Variants in ABCC9 observed in about 807,000 individuals in gnomAD.
The protein encoded by ABCC9 is ATP binding cassette subfamily C member 9.
Under a neutral mutation model 188.3 loss-of-function variants are expected in ABCC9, and 95 were observed. The observed-to-expected ratio is 0.50, with a 90% CI of 0.43 to 0.60. ABCC9 has a LOEUF of 0.60. Ranked by LOEUF, ABCC9 falls within the 20% of genes least tolerant of loss-of-function variation. The pLI, the probability that ABCC9 is intolerant of heterozygous loss-of-function variation, is 0.00. For missense variants in ABCC9, 1,102 were observed against 1,876.3 expected (o/e 0.59, Z 7.62); for synonymous variants, 659 against 652.7 (o/e 1.01, Z -0.15).
At chr12:21,885,487 A>G (rs539305653) in intron 15 of ABCC9, among the ~76,000 whole-genome samples, 4 of 152,208 alleles carry the variant, frequency 2.6e-5, no homozygotes, top group Non-Finnish European at 4.4e-5. Context: ...TTGACCTCCT[A>G]TATGCCGTTT....
intron 14 of ABCC9, among the ~76,000 whole-genome samples, chr12:21,890,028 A>G (rs999602974): frequency 3.3e-5 from 5 of 152,180 alleles, no homozygotes; most frequent in African/African-American, 1.2e-4. Context: ...TCATCTTTAG[A>G]ATCTATCCCA....
chr12:21,841,641 GC>G (rs1199453100), intron 29 of ABCC9, among the ~76,000 whole-genome samples: 1 of 152,038 alleles, frequency 6.6e-6, no homozygotes, highest in East Asian at 1.9e-4. Flanking sequence ...ACAGGCATGG[GC>G]CACCACGCCC....
At chr12:21,811,458 T>G (rs1205098461) in intron 36 of ABCC9, among the ~76,000 whole-genome samples, 3 of 152,182 alleles carry the variant, frequency 2.0e-5, no homozygotes, top group African/African-American at 4.8e-5. Context: ...AGTTACAGCT[T>G]CTTTGAGTTT....
chr12:21,812,403 T>G (rs576010510), intron 35 of ABCC9, among the ~76,000 whole-genome samples: 1 of 152,188 alleles, frequency 6.6e-6, no homozygotes, highest in Non-Finnish European at 1.5e-5. Flanking sequence ...TGCACACTTA[T>G]GTTTATGGCA....
At chr12:21,871,346 G>T (rs1423947569) in intron 18 of ABCC9, among the ~76,000 whole-genome samples, 1 of 152,114 alleles carries the variant, frequency 6.6e-6, no homozygotes, top group Non-Finnish European at 1.5e-5. Flanking sequence ...TCTCTGCTGG[G>T]TATGCGCTAA....
Position 21,800,006 on chromosome 12 carries a change from T to G in ABCC9, c.*1038A>C, listed in dbSNP as rs777470921. 6.6e-6 allele frequency: 1 copy of G among 152,202 alleles called. No homozygotes were observed. The highest frequency in any genetic ancestry group is 1.5e-5 in the Non-Finnish European group (1 of 68,020). The allele number at this position is 152,202 out of a possible 1,614,324, so 9.4% of individuals were successfully genotyped here. A position where few individuals can be genotyped will look rare whatever the true frequency, so the allele number is the denominator to read the frequency against. On this transcript the variant is annotated 3_prime_UTR_variant, in exon 40 of 40. Transcript: ENST00000261200. ...ATTAGAGCAGGAGCAAATGATCATGTGTGACACCATTGGGCATAAATGTCT... is the reference window on the plus strand; with the variant it reads ...ATTAGAGCAGGAGCAAATGATCATGGGTGACACCATTGGGCATAAATGTCT...
intron 18 of ABCC9, among the ~76,000 whole-genome samples, chr12:21,868,638 C>CAATA (rs1377883472): frequency 1.3e-5 from 2 of 151,910 alleles, no homozygotes; most frequent in Non-Finnish European, 2.9e-5. Flanking sequence ...GACTCTGTCT[C>CAATA]AATAAATAAA....
chr12:21,879,063 A>G (rs777576297), intron 16 of ABCC9, among the ~76,000 whole-genome samples: 5 of 152,238 alleles, frequency 3.3e-5, no homozygotes, highest in Non-Finnish European at 7.3e-5. Context: ...AGCTCAGTGT[A>G]CATCACTAGG....
At chr12:21,844,390 T>C (rs2137384317) in intron 28 of ABCC9, 93 bp downstream of exon 28, 2 of 1,057,184 alleles carry the variant, frequency 1.9e-6, no homozygotes, top group South Asian at 2.6e-5. Context: ...AGAAATCCTC[T>C]ATTGTTAATA....
intron 38 of ABCC9, 97 bp from the exon 39 acceptor site, chr12:21,806,157 G>A: frequency 2.8e-6 from 3 of 1,077,930 alleles, no homozygotes; most frequent in Non-Finnish European, 2.8e-6. Context: ...TCCCTTGTGA[G>A]CATTCTCAAT....
intron 38 of ABCC9, 94 bp downstream of exon 38, chr12:21,807,252 G>A: frequency 6.5e-7 from 1 of 1,541,294 alleles, no homozygotes. Flanking sequence ...CAATAGTACT[G>A]AGGATTCAGA....
chr12:21,820,261 T>C (rs1036457997), intron 31 of ABCC9, among the ~76,000 whole-genome samples: 3 of 152,108 alleles, frequency 2.0e-5, no homozygotes, highest in Non-Finnish European at 2.9e-5. Context: ...AAAAAAAATA[T>C]GTCATCTGGC....
chr12:21,823,137 A>G (rs117351811), intron 31 of ABCC9, among the ~76,000 whole-genome samples: 51 of 152,340 alleles, frequency 3.3e-4, no homozygotes, highest in Non-Finnish European at 6.0e-4. Flanking sequence ...GTTACAACAC[A>G]GATGAATTAT....
intron 12 of ABCC9, 122 bp downstream of exon 12, chr12:21,906,004 G>T: frequency 8.6e-7 from 1 of 1,158,410 alleles, no homozygotes; most frequent in Non-Finnish European, 1.3e-6. Flanking sequence ...CACGTGTTTA[G>T]AAAATAAATA....
At chr12:21,923,281 G>A (rs975733266) in intron 5 of ABCC9, 11 of 151,202 alleles carry the variant, frequency 7.3e-5, no homozygotes, top group African/African-American at 2.7e-4. Context: ...TAGAAGAAAT[G>A]ATAAATTATA....
At chr12:21,863,077 A>T (rs1374944234) in intron 19 of ABCC9, 23 bp from the exon 20 acceptor site, 2 of 1,507,810 alleles carry the variant, frequency 1.3e-6, no homozygotes, top group African/African-American at 2.8e-5. Flanking sequence ...AAAGAAAAAA[A>T]AAAACACCAG....
At chr12:21,848,513 G>A (rs917696599) in intron 24 of ABCC9, among the ~76,000 whole-genome samples, 2 of 152,124 alleles carry the variant, frequency 1.3e-5, no homozygotes, top group East Asian at 3.9e-4. Context: ...CCAGAAGCAG[G>A]GTGATATCTC....
intron 12 of ABCC9, among the ~76,000 whole-genome samples, chr12:21,903,605 C>CA (rs1947880968): frequency 6.6e-6 from 1 of 152,114 alleles, no homozygotes; most frequent in Non-Finnish European, 1.5e-5. Flanking sequence ...AATCAATGTG[C>CA]AAAAATCACA....
Position 21,852,532 on chromosome 12 carries a change from T to C in ABCC9, c.2506-27A>G, listed in dbSNP as rs751495221. ...TGCAATCAGTAAAATGGAGGAAAGA[T>C]GGACGTTTTCTATACTTGTTACATA... On this transcript the variant is annotated intron_variant, in intron 22 of 39. Coordinates refer to ENST00000261200, the MANE Select transcript of ABCC9 (RefSeq NM_020297.4). 6.9e-6 allele frequency: 11 copies of C among 1,605,428 alleles called. No individual in the cohort carries two copies. In the East Asian group the frequency reaches 2.5e-4, roughly 36 times the overall value.
Sources: allele counts gnomAD v4.1 joint callset (sites outside exome capture counted in the v4.1 genomes callset), GRCh38; gene constraint gnomAD v4.1.1; transcripts MANE v1.5; gene names NCBI Gene and HGNC (gene_info 2026-07-23, HGNC 2026-07-21).